Variants in ADGRL2 observed in about 807,000 individuals in gnomAD.
The protein encoded by ADGRL2 is calcium-independent alpha-latrotoxin receptor 2.
A neutral mutation model predicts 157.4 loss-of-function variants in ADGRL2; 44 were observed. That is an observed-to-expected ratio of 0.28 (90% CI 0.22 to 0.36). ADGRL2 has a LOEUF of 0.36. Among genes scored for constraint, ADGRL2 ranks in the 10% least tolerant of loss-of-function variants. ADGRL2 has a pLI of 1.00. For synonymous variants in ADGRL2, 585 were observed against 624.7 expected (o/e 0.94, Z 0.95); for missense variants, 1,510 against 1,768.9 (o/e 0.85, Z 2.63).
At chr1:81,388,673 G>A (rs981947040) in intron 1 of ADGRL2, among the ~76,000 whole-genome samples, 1 of 152,134 alleles carries the variant, frequency 6.6e-6, no homozygotes, top group Non-Finnish European at 1.5e-5. Context: ...AGGAGTAAAC[G>A]TGTATGAGGA....
chr1:81,387,252 T>A (rs974433648), intron 1 of ADGRL2, among the ~76,000 whole-genome samples: 5 of 152,188 alleles, frequency 3.3e-5, no homozygotes, highest in African/African-American at 7.2e-5. Flanking sequence ...TTTTGGACTC[T>A]GCACCAAACC....
intron 2 of ADGRL2, among the ~76,000 whole-genome samples, chr1:81,882,936 G>C (rs1209076679): frequency 6.6e-6 from 1 of 152,122 alleles, no homozygotes; most frequent in East Asian, 1.9e-4. Flanking sequence ...TCCAAATCTG[G>C]TTGGCCCTAT....
chr1:81,683,849 C>T (rs2083172337), intron 3 of ADGRL2, among the ~76,000 whole-genome samples: 1 of 151,862 alleles, frequency 6.6e-6, no homozygotes, highest in Admixed American at 6.6e-5. Flanking sequence ...TGGAGTCTCG[C>T]TCTGTCACCC....
intron 3 of ADGRL2, among the ~76,000 whole-genome samples, chr1:81,668,150 C>A (rs2082789968): frequency 6.6e-6 from 1 of 152,098 alleles, no homozygotes; most frequent in Non-Finnish European, 1.5e-5. Context: ...CGACCAGGCT[C>A]AGAGGTTCAT....
At chr1:81,867,604 T>C (rs562371932) in intron 2 of ADGRL2, among the ~76,000 whole-genome samples, 14 of 152,340 alleles carry the variant, frequency 9.2e-5, no homozygotes, top group African/African-American at 3.4e-4. Flanking sequence ...TTAATTCTTA[T>C]CTACAAACAT....
chr1:81,379,573 C>T (rs552122155), intron 1 of ADGRL2, among the ~76,000 whole-genome samples: 9 of 152,226 alleles, frequency 5.9e-5, no homozygotes, highest in African/African-American at 2.2e-4. Flanking sequence ...AGATGGTTTT[C>T]CCCTGGAGTC....
At chr1:81,819,130 G>T (rs1338971337) in intron 1 of ADGRL2, among the ~76,000 whole-genome samples, 1 of 152,138 alleles carries the variant, frequency 6.6e-6, no homozygotes, top group East Asian at 1.9e-4. Context: ...TGTATCCAAT[G>T]AACTAGAGTG....
intron 2 of ADGRL2, among the ~76,000 whole-genome samples, chr1:81,882,054 A>G (rs1389599449): frequency 6.6e-6 from 1 of 152,172 alleles, no homozygotes; most frequent in African/African-American, 2.4e-5. Flanking sequence ...AAAAGTCTGT[A>G]TATAGAATTT....
intron 1 of ADGRL2, among the ~76,000 whole-genome samples, chr1:81,752,670 C>T (rs1206859398): frequency 6.6e-6 from 1 of 152,134 alleles, no homozygotes; most frequent in Non-Finnish European, 1.5e-5. Context: ...ACTACAGGTC[C>T]TGGCCACCAC....
chr1:81,980,694 G>A (rs1661410220), intron 18 of ADGRL2: 1 of 516,556 alleles, frequency 1.9e-6, no homozygotes, highest in Admixed American at 2.7e-5. Context: ...AGATAGGTTA[G>A]TGCCAGCTTC....
At chr1:81,426,390 T>G (rs1408411884) in intron 1 of ADGRL2, 3 of 301,968 alleles carry the variant, frequency 9.9e-6, no homozygotes, top group Non-Finnish European at 1.9e-5. Flanking sequence ...GTTTTCTCAA[T>G]TTCCTTCAGG....
intron 3 of ADGRL2, among the ~76,000 whole-genome samples, chr1:81,624,175 G>T (rs2081859049): frequency 1.3e-5 from 2 of 152,184 alleles, no homozygotes; most frequent in Non-Finnish European, 2.9e-5. Flanking sequence ...CCAGAACTGT[G>T]AGAGAATACA....
intron 1 of ADGRL2, among the ~76,000 whole-genome samples, chr1:81,438,847 G>GT (rs1315665055): frequency 6.6e-6 from 1 of 152,096 alleles, no homozygotes; most frequent in East Asian, 1.9e-4. Flanking sequence ...TCCTTAGGGT[G>GT]TTTTTTCCCT....
chr1:81,950,153 G>A lies in ADGRL2; in HGVS notation c.1211-36G>A, dbSNP rs558759063. On this transcript the variant is annotated intron_variant, in intron 6 of 23. Transcript: ENST00000686636. ...CATGACTGTATGTGAGTGCAAGTGT[G>A]TGTTTGAGATTAATATACTCATCTT... 3.2e-6 allele frequency: 5 copies of A among 1,571,542 alleles called. No homozygotes were observed. In the South Asian group the frequency reaches 4.5e-5, roughly 14 times the overall value.
intron 1 of ADGRL2, among the ~76,000 whole-genome samples, chr1:81,342,521 C>A (rs1570669911): frequency 6.6e-6 from 1 of 152,104 alleles, no homozygotes; most frequent in African/African-American, 2.4e-5. Context: ...CAAATGATAG[C>A]TGGAAAAAGA....
rs2079158406 is a variant in ADGRL2 at position 81,515,481 on chromosome 1, A to G, written c.-247-65395A>G. On this transcript the variant is annotated intron_variant, in intron 2 of 24. Coordinates refer to the ADGRL2 transcript ENST00000370721. Reference sequence around the variant, plus strand: ...AAAAAGTCTTCTGTTAGCACAAAATAAATAACAGTGTTCTGACATTTATTT... The same window carrying G: ...AAAAAGTCTTCTGTTAGCACAAAATGAATAACAGTGTTCTGACATTTATTT... 3.3e-5 allele frequency among the ~76,000 whole-genome samples: 5 copies of G among 152,008 alleles called. No homozygotes were observed. The South Asian group carries it at 1.0e-3, about 32-fold the overall frequency.
At chr1:81,837,455 A>G (rs2092340205) in intron 2 of ADGRL2, among the ~76,000 whole-genome samples, 1 of 151,956 alleles carries the variant, frequency 6.6e-6, no homozygotes, top group South Asian at 2.1e-4. Flanking sequence ...TCCTAAGTTA[A>G]AATATGTAGT....
intron 2 of ADGRL2, among the ~76,000 whole-genome samples, chr1:81,490,223 C>T (rs2078601524): frequency 6.6e-6 from 1 of 151,634 alleles, no homozygotes; most frequent in South Asian, 2.1e-4. Context: ...CCTCCACCTC[C>T]TTGGTTCAGG....
At chr1:81,536,476 G>A (rs889181470) in intron 2 of ADGRL2, among the ~76,000 whole-genome samples, 4 of 152,124 alleles carry the variant, frequency 2.6e-5, no homozygotes, top group Admixed American at 6.6e-5. Flanking sequence ...CTCTAAGGAG[G>A]GAGGAAATGT....
Sources: gnomAD v4.1 joint callset for allele counts (sites outside exome capture counted in the v4.1 genomes callset) on GRCh38, gnomAD v4.1.1 for gene constraint, MANE v1.5 for transcripts, NCBI Gene and HGNC (gene_info 2026-07-23, HGNC 2026-07-21) for gene names.